Variants in GIT2 observed in about 807,000 individuals in gnomAD.
The protein encoded by GIT2 is GIT ArfGAP 2.
In GIT2, 32 loss-of-function variants were observed where a neutral mutation model predicts 100.3. That is an observed-to-expected ratio of 0.32 (90% CI 0.24 to 0.43). The LOEUF (loss-of-function observed/expected upper bound fraction) is 0.43, where lower values mean the gene tolerates loss of function less well. Among genes scored for constraint, GIT2 ranks in the 20% least tolerant of loss-of-function variants. GIT2 has a pLI of 1.00. For synonymous variants in GIT2, 353 were observed against 364.1 expected (o/e 0.97, Z 0.35); for missense variants, 737 against 975.1 (o/e 0.76, Z 3.25).
At chr12:109,969,060 G>A (rs532502531) in intron 7 of GIT2, among the ~76,000 whole-genome samples, 28 of 151,388 alleles carry the variant, frequency 1.8e-4, no homozygotes, top group African/African-American at 6.1e-4. Flanking sequence ...CTAAATATGA[G>A]TAATTTGCTG....
chr12:109,934,962 C>T lies in GIT2; in HGVS notation c.2004-877G>A. 6.6e-6 allele frequency among the ~76,000 whole-genome samples: 1 copy of T among 151,972 alleles called. No individual in the cohort carries two copies. The highest frequency in any genetic ancestry group is 1.5e-5 in the Non-Finnish European group (1 of 68,010). ...GCATTGTGGCGCATGCCTGTAATCCCAGCTACTCAGGAGGCTGAAGCAGGA... is the reference window on the plus strand; with the variant it reads ...GCATTGTGGCGCATGCCTGTAATCCTAGCTACTCAGGAGGCTGAAGCAGGA... On this transcript the variant is annotated intron_variant, in intron 18 of 19. Transcript: ENST00000355312. This position sits in a 1 kb window ranked among gnomAD's most constrained non-coding sequence, Gnocchi z 4.5.
At chr12:109,995,667 T>C (rs1889220529) in intron 1 of GIT2, among the ~76,000 whole-genome samples, 1 of 152,170 alleles carries the variant, frequency 6.6e-6, no homozygotes. Flanking sequence ...CTCCTGGCAA[T>C]TCTCCCGGGC....
At chr12:109,939,956 T>G (rs1349246465) in intron 16 of GIT2, 1 of 152,168 alleles carries the variant, frequency 6.6e-6, no homozygotes, top group African/African-American at 2.4e-5. Context: ...ACCTTCAGAT[T>G]ATCTCATTGA....
chr12:109,971,026 T>G (rs1176145584), intron 7 of GIT2, among the ~76,000 whole-genome samples: 1 of 152,208 alleles, frequency 6.6e-6, no homozygotes, highest in Non-Finnish European at 1.5e-5. Flanking sequence ...GCTCAAGTAG[T>G]CCTCCCGCCG....
intron 7 of GIT2, among the ~76,000 whole-genome samples, chr12:109,969,730 T>C (rs1482558458): frequency 6.6e-6 from 1 of 151,482 alleles, no homozygotes; most frequent in Non-Finnish European, 1.5e-5. Flanking sequence ...AAAGCTTTCA[T>C]CCAAGATCAC....
At chr12:109,956,773 T>C (rs1477353406) in intron 12 of GIT2, among the ~76,000 whole-genome samples, 1 of 152,070 alleles carries the variant, frequency 6.6e-6, no homozygotes, top group Non-Finnish European at 1.5e-5. Flanking sequence ...TCCCAGCACT[T>C]TGGGAGGCTG....
At position 109,934,205 on chromosome 12, in the gene GIT2, C is replaced by A; in HGVS notation, c.2004-120G>T. ...TTCATGAAGGGGCTAGGGCTGCAGT[C>A]AGCCGTGCATCCCACACCACCAGAG... is the stretch of plus-strand genomic sequence containing the variant. On this transcript the variant is annotated intron_variant, in intron 18 of 19. Transcript: ENST00000355312. This position sits in a 1 kb window ranked among gnomAD's most constrained non-coding sequence, Gnocchi z 4.5. The A allele has an allele frequency of 1.5e-6, 1 of 688,918 alleles. No individual in the cohort carries two copies. 42.7% of individuals were successfully genotyped at this position (688,918 alleles called of 1,614,324 possible).
chr12:109,939,936 A>G (rs1255582430), intron 16 of GIT2: 1 of 152,204 alleles, frequency 6.6e-6, no homozygotes, highest in African/African-American at 2.4e-5. Context: ...GACCTTCAGC[A>G]CTGGAAGCCA....
At chr12:109,972,785 T>C (rs1884211776) in intron 7 of GIT2, among the ~76,000 whole-genome samples, 1 of 152,068 alleles carries the variant, frequency 6.6e-6, no homozygotes, top group Non-Finnish European at 1.5e-5. Context: ...ATTAAATCAG[T>C]CTTGCCTATC....
chr12:109,945,293 T>G lies in GIT2; in HGVS notation c.1698A>C (p.Thr566=). 6.3e-7 allele frequency: 1 copy of G among 1,580,606 alleles called. No individual in the cohort carries two copies. The highest frequency in any genetic ancestry group is 8.7e-7 in the Non-Finnish European group (1 of 1,149,934). The change falls in exon 16 of 20, where the codon ACA becomes ACC. Residue 566 remains threonine (T), a synonymous_variant. Transcript: ENST00000355312. ...CGCTTTCGTCCCTCGACCAGGAAAG[T>G]GTGGAGGGGAAGGAAGGCAGAGATG... The part of the protein sequence containing the change: ...SSSSLPSFPS[T]LSWSRDESAR...
rs1880605023 is a variant in GIT2 at position 109,959,917 on chromosome 12, G to A, written c.1029C>T (p.Ala343=). 2 of 1,613,730 alleles carry A rather than the reference G, an allele frequency of 1.2e-6. No homozygotes were observed. The highest frequency in any genetic ancestry group is 1.7e-6 in the Non-Finnish European group (2 of 1,179,792). The part of the protein sequence containing the change: ...KLARFNAHEF[A]TLVIDILSDA... ...CACTGAGAATGTCAATGACCAGCGTGGCAAACTCATGGGCGTTGAACCGAG... is the reference window on the plus strand; with the variant it reads ...CACTGAGAATGTCAATGACCAGCGTAGCAAACTCATGGGCGTTGAACCGAG... The change falls in exon 12 of 20, where the codon GCC becomes GCT. Residue 343 remains alanine (A), a synonymous_variant. Transcript: ENST00000355312.
intron 7 of GIT2, among the ~76,000 whole-genome samples, chr12:109,969,614 A>C (rs1399359508): frequency 1.3e-5 from 2 of 151,180 alleles, no homozygotes; most frequent in Non-Finnish European, 2.9e-5. Context: ...TGGCATAGTC[A>C]TAGCTCACTG....
chr12:109,969,734 A>C (rs1181640592), intron 7 of GIT2, among the ~76,000 whole-genome samples: 1 of 151,374 alleles, frequency 6.6e-6, no homozygotes, highest in Admixed American at 6.6e-5. Context: ...CTTTCATCCA[A>C]GATCACAAAG....
chr12:109,965,219 T>C (rs562130223), intron 9 of GIT2, among the ~76,000 whole-genome samples: 1 of 152,304 alleles, frequency 6.6e-6, no homozygotes, highest in African/African-American at 2.4e-5. Context: ...TACTTACTCA[T>C]GACACTGAGA....
At position 109,967,493 on chromosome 12, in the gene GIT2, A is replaced by C. The variant is rs1882794772; in HGVS notation, c.729T>G (p.Asn243Lys). 6 of 1,602,530 alleles carry C rather than the reference A, an allele frequency of 3.7e-6. No homozygotes were observed. The highest frequency in any genetic ancestry group is 4.3e-6 in the Non-Finnish European group (5 of 1,169,602). Residue 243 changes from asparagine to lysine, a missense_variant, in exon 8 of 20, where the codon AAT becomes AAG. By Grantham distance (94) the Asn-to-Lys change is moderately conservative. Around this residue, in one of 3 missense-constraint regions of GIT2, gnomAD observed 266 missense variants for 376.2 expected, o/e 0.71. Transcript: ENST00000355312. ...YLCGRKPDHK[N>K]GQHFIIPQMA... ...TTTGAGGTATTATAAAGTGCTGTCCATTTTTGTGATCTGAAACAGAAACCA... is the reference window on the plus strand; with the variant it reads ...TTTGAGGTATTATAAAGTGCTGTCCCTTTTTGTGATCTGAAACAGAAACCA...
chr12:109,953,174 T>C lies in GIT2; in HGVS notation c.1160A>G (p.Asn387Ser), dbSNP rs925368. 2.7e-3 allele frequency: 4,380 copies of C among 1,614,032 alleles called. 216 individuals carry two copies. The East Asian group carries it at 0.094, about 35-fold the overall frequency. Residue 387 changes from asparagine to serine, a missense_variant, in exon 13 of 20, where the codon AAC becomes AGC. Asn to Ser is a conservative substitution (Grantham distance 46). Coordinates refer to ENST00000355312, the MANE Select transcript of GIT2 (RefSeq NM_057169.5). ...NNQHSVESQD[N>S]DQPDYDSVAS... ...CACGCTGTCATAGTCGGGCTGATCG[T>C]TGTCTTGACTCTCAACGCTGTGCTG... is the stretch of plus-strand genomic sequence containing the variant.
chr12:109,975,693 A>G (rs539839699), intron 7 of GIT2, among the ~76,000 whole-genome samples: 3 of 151,350 alleles, frequency 2.0e-5, no homozygotes, highest in East Asian at 1.9e-4. Context: ...GAATCAAAAT[A>G]TCTTTTGATG....
chr12:109,935,678 G>A (rs1007434247), intron 18 of GIT2, among the ~76,000 whole-genome samples: 5 of 152,238 alleles, frequency 3.3e-5, no homozygotes, highest in African/African-American at 1.2e-4. Flanking sequence ...TTACAGGCGT[G>A]AGCCACCGCG....
In GIT2 at chr12:109,933,576, G is replaced by A; in HGVS notation, c.2068-386C>T. ...TCATGCAGAACAAAAATATTTCAAA[G>A]CTCTATACGACTGCATATTTTATTT... is the stretch of plus-strand genomic sequence containing the variant. On this transcript the variant is annotated intron_variant, in intron 19 of 19. Coordinates refer to ENST00000355312, the MANE Select transcript of GIT2 (RefSeq NM_057169.5). This position sits in a 1 kb window ranked among gnomAD's most constrained non-coding sequence, Gnocchi z 4.5. 4.6e-6 allele frequency: 1 copy of A among 219,710 alleles called. No individual in the cohort carries two copies. The highest frequency in any genetic ancestry group is 9.1e-6 in the Non-Finnish European group (1 of 109,814). 13.6% of individuals were successfully genotyped at this position (219,710 alleles called of 1,614,324 possible). A position where few individuals can be genotyped will look rare whatever the true frequency, so the allele number is the denominator to read the frequency against.
Sources: allele counts gnomAD v4.1 joint callset (sites outside exome capture counted in the v4.1 genomes callset), GRCh38; gene constraint gnomAD v4.1.1; regional missense constraint gnomAD v4.1.1; non-coding constraint Gnocchi (gnomAD v3.1); transcripts MANE v1.5; gene names NCBI Gene and HGNC (gene_info 2026-07-23, HGNC 2026-07-21).